Variants in TIMP2 observed in about 807,000 individuals in gnomAD.
TIMP2 encodes TIMP metallopeptidase inhibitor 2, also known as metalloproteinase inhibitor 2.
TIMP2 carries 5 observed loss-of-function variants against 24.3 expected under a neutral mutation model. The ratio of observed to expected loss-of-function variants is 0.21; its 90% CI spans 0.11 to 0.43. The LOEUF is 0.43. Among genes scored for constraint, TIMP2 ranks in the 20% least tolerant of loss-of-function variants. The pLI, the probability that TIMP2 is intolerant of heterozygous loss-of-function variation, is 1.00. For missense variants in TIMP2, 221 were observed against 297.5 expected, an observed-to-expected ratio of 0.74 and a Z score of 1.89; for synonymous variants, 130 against 123.2, an observed-to-expected ratio of 1.06 and a Z score of -0.37.
intron 3 of TIMP2, among the ~76,000 whole-genome samples, chr17:78,865,947 T>TGACG (rs1279279859): frequency 6.6e-6 from 1 of 152,122 alleles, no homozygotes; most frequent in African/African-American, 2.4e-5. Flanking sequence ...GAGGGCAGTG[T>TGACG]GACGAAACTG....
chr17:78,882,796 A>G (rs1335305642), intron 1 of TIMP2, among the ~76,000 whole-genome samples: 2 of 152,242 alleles, frequency 1.3e-5, no homozygotes, highest in Non-Finnish European at 2.9e-5. Flanking sequence ...AAGGCTGAGC[A>G]GCCAGGAAGT....
chr17:78,882,065 A>G (rs756950530), intron 1 of TIMP2, among the ~76,000 whole-genome samples: 1 of 152,204 alleles, frequency 6.6e-6, no homozygotes, highest in Non-Finnish European at 1.5e-5. Context: ...CCTGGGTTCA[A>G]GCGATTCTCC....
chr17:78,879,713 A>G (rs2069761755), intron 1 of TIMP2, among the ~76,000 whole-genome samples: 1 of 152,132 alleles, frequency 6.6e-6, no homozygotes, highest in Non-Finnish European at 1.5e-5. Context: ...CTGTGAACAC[A>G]ACATCTGGGT....
intron 3 of TIMP2, among the ~76,000 whole-genome samples, chr17:78,864,244 C>T (rs968293562): frequency 3.3e-5 from 5 of 151,746 alleles, no homozygotes; most frequent in Non-Finnish European, 7.4e-5. Context: ...CCACACCCAG[C>T]TCATCTCTTC....
chr17:78,890,789 G>A, intron 1 of TIMP2: 1 of 1,550,656 alleles, frequency 6.4e-7, no homozygotes, highest in African/African-American at 1.4e-5. Flanking sequence ...CGATGGGGAA[G>A]TGGTGCTGAG....
At chr17:78,862,159 C>T (rs151068572) in intron 3 of TIMP2, among the ~76,000 whole-genome samples, 57 of 152,326 alleles carry the variant, frequency 3.7e-4, no homozygotes, top group Non-Finnish European at 6.9e-4. Flanking sequence ...TCTCCTGGTG[C>T]CCGACTCGAC....
intron 1 of TIMP2, chr17:78,897,049 G>C (rs769176870): frequency 1.2e-5 from 12 of 971,274 alleles, no homozygotes; most frequent in Non-Finnish European, 1.3e-5. Flanking sequence ...CTCACCCAGG[G>C]ACCCTCCACC....
chr17:78,925,108 CGGGCGGG>C lies in TIMP2; in HGVS notation c.-27_-21del. The C allele has an allele frequency of 4.6e-5, 1 of 21,786 alleles. No homozygotes were observed. Among genetic ancestry groups the C allele is most frequent in the Non-Finnish European group, 8.9e-5 (1 of 11,194 alleles). 1.3% of individuals were successfully genotyped at this position (21,786 alleles called of 1,614,324 possible). On this transcript the variant is annotated 5_prime_UTR_variant, in exon 1 of 5. Transcript: ENST00000262768. ...GCCCATGGCGGGCCGGGGGGCTGGG[CGGGCGGG>C]GGCCGCCGCTGGGGGGTCCGGGCGC... is the stretch of plus-strand genomic sequence containing the variant.
chr17:78,872,491 T>TC (rs1443970678), intron 2 of TIMP2, among the ~76,000 whole-genome samples: 3 of 151,994 alleles, frequency 2.0e-5, no homozygotes, highest in Non-Finnish European at 4.4e-5. Context: ...GCTGTTTTTT[T>TC]CCCCCCGAAG....
intron 1 of TIMP2, among the ~76,000 whole-genome samples, chr17:78,910,617 G>C (rs1394931442): frequency 1.3e-5 from 2 of 152,016 alleles, no homozygotes; most frequent in Admixed American, 1.3e-4. Context: ...CCAGACTCTA[G>C]TATTCTCTGT....
At chr17:78,892,132 C>T in intron 1 of TIMP2, 2 of 1,550,954 alleles carry the variant, frequency 1.3e-6, no homozygotes, top group Non-Finnish European at 1.7e-6. Flanking sequence ...CACCGACGTG[C>T]AGGTGCTGTG....
chr17:78,917,263 A>AC, intron 1 of TIMP2, among the ~76,000 whole-genome samples: 1 of 146,078 alleles, frequency 6.8e-6, no homozygotes, highest in Admixed American at 6.8e-5. Flanking sequence ...AAAAAAAAAA[A>AC]AAAAAAAAAT....
At chr17:78,869,934 T>C (rs1429791546) in intron 3 of TIMP2, among the ~76,000 whole-genome samples, 1 of 152,166 alleles carries the variant, frequency 6.6e-6, no homozygotes, top group Admixed American at 6.5e-5. Flanking sequence ...GTTCCACCCA[T>C]GTGAGGCCCC....
chr17:78,879,283 T>C (rs1251045575), intron 1 of TIMP2, among the ~76,000 whole-genome samples: 1 of 152,152 alleles, frequency 6.6e-6, no homozygotes, highest in Non-Finnish European at 1.5e-5. Flanking sequence ...TACATTTCCA[T>C]GCCAATGGCA....
chr17:78,869,070 A>C (rs2069644538), intron 3 of TIMP2, among the ~76,000 whole-genome samples: 1 of 152,232 alleles, frequency 6.6e-6, no homozygotes, highest in Non-Finnish European at 1.5e-5. Flanking sequence ...GGTTCAGCCT[A>C]GCTGGGCAAG....
intron 1 of TIMP2, among the ~76,000 whole-genome samples, chr17:78,917,476 T>C (rs145801622): frequency 6.6e-6 from 1 of 152,338 alleles, no homozygotes; most frequent in African/African-American, 2.4e-5. Context: ...TATTTCTGTG[T>C]ACGGTAGGCA....
At chr17:78,877,373 G>A (rs111424913) in intron 1 of TIMP2, among the ~76,000 whole-genome samples, 9 of 152,154 alleles carry the variant, frequency 5.9e-5, no homozygotes, top group African/African-American at 2.2e-4. Flanking sequence ...GAGGTCAGGA[G>A]TTTGAGACCA....
chr17:78,866,173 A>T (rs1380820148), intron 3 of TIMP2, among the ~76,000 whole-genome samples: 1 of 152,212 alleles, frequency 6.6e-6, no homozygotes, highest in African/African-American at 2.4e-5. Flanking sequence ...GCAGATGCTG[A>T]CACGCTGGGA....
rs1216333749 is a variant in TIMP2 at position 78,873,672 on chromosome 17, C to T, written c.231+147G>A. ...CAGGCATTCGAGGATTAAGGGAAAT[C>T]GGATCTATTTGCAGCTTGATGACCT... On this transcript the variant is annotated intron_variant, in intron 2 of 4. Transcript: ENST00000262768. 8.4e-5 allele frequency: 51 copies of T among 606,196 alleles called. 1 individual carries two copies. In the South Asian group the frequency reaches 8.9e-4, roughly 11 times the overall value. The allele number at this position is 606,196 out of a possible 1,614,324, so 37.6% of individuals were successfully genotyped here. A position where few individuals can be genotyped will look rare whatever the true frequency, so the allele number is the denominator to read the frequency against.
Sources: gnomAD v4.1 joint callset for allele counts (sites outside exome capture counted in the v4.1 genomes callset) on GRCh38, gnomAD v4.1.1 for gene constraint, MANE v1.5 for transcripts, NCBI Gene and HGNC (gene_info 2026-07-23, HGNC 2026-07-21) for gene names.